The following ZSCAN32 variants were observed in gnomAD, a reference collection of about 807,000 sequenced individuals.
The protein encoded by ZSCAN32 is zinc finger and SCAN domain-containing protein 32.
ZSCAN32 carries 52 observed loss-of-function variants against 47.4 expected under a neutral mutation model. The ratio of observed to expected loss-of-function variants is 1.10; its 90% CI spans 0.88 to 1.38. The LOEUF is 1.38. Ranked by LOEUF, ZSCAN32 falls within the 40% of genes most tolerant of loss-of-function variation. ZSCAN32 has a pLI of 0.00. For synonymous variants in ZSCAN32, 346 were observed against 305.7 expected, an observed-to-expected ratio of 1.13 and a Z score of -1.38; for missense variants, 959 against 846.0, an observed-to-expected ratio of 1.13 and a Z score of -1.66.
intron 2 of ZSCAN32, 47 bp downstream of exon 2, chr16:3,397,145 G>C: frequency 6.8e-7 from 1 of 1,470,752 alleles, no homozygotes; most frequent in Non-Finnish European, 9.0e-7. Context: ...TGGATTCCCC[G>C]ACAACTTCAT....
rs992978998 is a variant in ZSCAN32 at position 3,393,714 on chromosome 16, T to C, written c.467A>G (p.Gln156Arg). The C allele has an allele frequency of 1.0e-5, 16 of 1,550,530 alleles. No individual in the cohort carries two copies. Among genetic ancestry groups the C allele is most frequent in the African/African-American group, 2.7e-5 (2 of 73,140 alleles). Residue 156 changes from glutamine (Q) to arginine (R), a missense_variant, in exon 3 of 7, where the codon CAG (glutamine) becomes CGG (arginine). Physicochemically the swap from Gln to Arg is conservative, Grantham distance 43. Transcript: ENST00000396852. ...SLRSQWKQEVQPEEPTFKGSQ... is the reference protein window; with the variant it reads ...SLRSQWKQEVRPEEPTFKGSQ... ...TCCCTTAAAAGTCGGTTCCTCTGGC[T>C]GAACCTCCTGTTTCCATTGGGATCT... is the stretch of plus-strand genomic sequence containing the variant.
chr16:3,397,654 G>A lies in ZSCAN32; in HGVS notation c.-97C>T. 7.1e-7 allele frequency: 1 copy of A among 1,412,026 alleles called. No homozygotes were observed. Among genetic ancestry groups the A allele is most frequent in the Non-Finnish European group, 9.3e-7 (1 of 1,072,854 alleles). The allele number at this position is 1,412,026 out of a possible 1,614,324, so 87.5% of individuals were successfully genotyped here. A position where few individuals can be genotyped will look rare whatever the true frequency, so the allele number is the denominator to read the frequency against. ...ACTGGGAAGCCATGTTCTCCTGCAAGGAATGTCTTTCTGTAATCCGTGGGA... is the reference window on the plus strand; with the variant it reads ...ACTGGGAAGCCATGTTCTCCTGCAAAGAATGTCTTTCTGTAATCCGTGGGA... On this transcript the variant is annotated 5_prime_UTR_variant, in exon 2 of 7. Transcript: ENST00000396852.
In ZSCAN32 at chr16:3,383,638, CTTGT is replaced by C; in HGVS notation, c.1304_1307del (p.Asn435ArgfsTer47). The C allele has an allele frequency of 6.2e-7, 1 of 1,612,352 alleles. No individual in the cohort carries two copies. Among genetic ancestry groups the C allele is most frequent in the African/African-American group, 1.3e-5 (1 of 74,882 alleles). On this transcript the variant is annotated frameshift_variant, in exon 7 of 7. Coordinates refer to ENST00000396852, the MANE Select transcript of ZSCAN32 (RefSeq NM_001284527.2). LOFTEE classifies it low-confidence loss of function (END_TRUNC). The stretch of plus-strand genomic sequence containing the variant: ...CTCCTCTGGACTTTCTCTGTAAAGC[CTTGT>C]TTATTTCTACTTCCTCTGAATCATC...
rs182564819 is a variant in ZSCAN32, at chr16:3,392,683, C to T, written c.532+966G>A. Among the ~76,000 whole-genome samples the T allele has an allele frequency of 2.0e-4, 30 of 151,962 alleles. 1 individual carries two copies. The East Asian group carries it at 3.3e-3, about 17-fold the overall frequency. On this transcript the variant is annotated intron_variant, in intron 3 of 6. Coordinates refer to ENST00000396852, the MANE Select transcript of ZSCAN32 (RefSeq NM_001284527.2). ...TCTACTAAAAATTCAAAAAATTAGC[C>T]GGGCATGGTGGCGGGTGCTTTAGTC...
At chr16:3,397,045 A>G in intron 2 of ZSCAN32, 147 bp downstream of exon 2, 2 of 849,176 alleles carry the variant, frequency 2.4e-6, no homozygotes, top group Non-Finnish European at 3.4e-6. Context: ...CCGTATTATA[A>G]GGGCATAGGA....
chr16:3,387,581 G>T (rs1367462031), intron 5 of ZSCAN32, among the ~76,000 whole-genome samples: 1 of 152,196 alleles, frequency 6.6e-6, no homozygotes, highest in African/African-American at 2.4e-5. Flanking sequence ...TCCAACATCT[G>T]GTCATGATGC....
Position 3,397,752 on chromosome 16 carries a change from G to A in ZSCAN32, c.-187-8C>T. On this transcript the variant is annotated splice_polypyrimidine_tract_variant and splice_region_variant and intron_variant, in intron 1 of 6. Coordinates refer to ENST00000396852, the MANE Select transcript of ZSCAN32 (RefSeq NM_001284527.2). Reference sequence around the variant, plus strand: ...CTCAACTTTGAAGGATGTCTGAAGAGGATGGAAAAAGACAATATAAACCTA... The same window carrying A: ...CTCAACTTTGAAGGATGTCTGAAGAAGATGGAAAAAGACAATATAAACCTA... The A allele has an allele frequency of 1.6e-6, 1 of 627,544 alleles. No homozygotes were observed. The highest frequency in any genetic ancestry group is 3.3e-5 in the Admixed American group (1 of 29,956). The allele number at this position is 627,544 out of a possible 1,614,324, so 38.9% of individuals were successfully genotyped here.
chr16:3,389,569 G>A (rs183690439), intron 5 of ZSCAN32, among the ~76,000 whole-genome samples: 58 of 152,260 alleles, frequency 3.8e-4, no homozygotes, highest in Admixed American at 2.7e-3. Context: ...GGTTCCTCCC[G>A]GAAGGCCTGG....
rs747127814 is a variant in ZSCAN32, at chr16:3,383,638, CTTG to C, written c.1305_1307del (p.Asn435del). On this transcript the variant is annotated inframe_deletion, in exon 7 of 7. Coordinates refer to ENST00000396852, the MANE Select transcript of ZSCAN32 (RefSeq NM_001284527.2). ...CTCCTCTGGACTTTCTCTGTAAAGCCTTGTTTATTTCTACTTCCTCTGAATCAT... is the reference window on the plus strand; with the variant it reads ...CTCCTCTGGACTTTCTCTGTAAAGCCTTTATTTCTACTTCCTCTGAATCAT... 240 of 1,612,352 alleles carry C rather than the reference CTTG, an allele frequency of 1.5e-4. No homozygotes were observed. In the African/African-American group the frequency reaches 2.8e-3, roughly 19 times the overall value.
At position 3,396,345 on chromosome 16, in the gene ZSCAN32, C is replaced by T; in HGVS notation, c.366+847G>A. ...CAATCCTACCAAATTTCATCTATAT[C>T]CCCCTTCACCCATTCCTCTTCCCAC... On this transcript the variant is annotated intron_variant, in intron 2 of 6. Transcript: ENST00000396852. 4.6e-5 allele frequency among the ~76,000 whole-genome samples: 7 copies of T among 152,276 alleles called. No individual in the cohort carries two copies. The Middle Eastern group carries it at 0.021, about 447-fold the overall frequency.
Position 3,383,412 on chromosome 16 carries a change from TG to T in ZSCAN32, c.1533del (p.His511GlnfsTer174). 1.2e-6 allele frequency: 2 copies of T among 1,614,204 alleles called. No homozygotes were observed. Among genetic ancestry groups the T allele is most frequent in the Non-Finnish European group, 8.5e-7 (1 of 1,180,034 alleles). Reference protein sequence around the residue: ...KNCSQSVHSPHKPALKLEKVS... With the variant: ...KNCSQSVHSPXKPALKLEKVS... The stretch of plus-strand genomic sequence containing the variant: ...ACTTTTTCCAGTTTGAGCGCTGGCT[TG>T]TGGGGAGAGTGCACACTCTGAGAGC... On this transcript the variant is annotated frameshift_variant, in exon 7 of 7. Transcript: ENST00000396852. LOFTEE classifies it low-confidence loss of function (END_TRUNC).
intron 5 of ZSCAN32, among the ~76,000 whole-genome samples, chr16:3,388,085 T>G (rs982274112): frequency 1.3e-5 from 2 of 152,234 alleles, no homozygotes; most frequent in Non-Finnish European, 2.9e-5. Context: ...TTATTTCTTT[T>G]GTAAAATACA....
At chr16:3,397,076 C>G (rs370376503) in intron 2 of ZSCAN32, 116 bp downstream of exon 2, 2 of 1,336,072 alleles carry the variant, frequency 1.5e-6, no homozygotes, top group East Asian at 2.5e-5. Flanking sequence ...ACAGCCAAGA[C>G]CTTCTGTGGG....
intron 6 of ZSCAN32, 85 bp downstream of exon 6, chr16:3,384,374 T>A (rs1349404285): frequency 1.0e-5 from 16 of 1,550,006 alleles, no homozygotes; most frequent in Non-Finnish European, 7.9e-6. Context: ...CCAGGATCAG[T>A]GACAGCTCCT....
At chr16:3,389,760 C>G (rs190197065) in intron 5 of ZSCAN32, among the ~76,000 whole-genome samples, 1 of 152,294 alleles carries the variant, frequency 6.6e-6, no homozygotes, top group East Asian at 1.9e-4. Flanking sequence ...CTCTGTCTCA[C>G]TAACATTTTG....
At chr16:3,393,570 T>A (rs2033069898) in intron 3 of ZSCAN32, 79 bp downstream of exon 3, 11 of 1,358,544 alleles carry the variant, frequency 8.1e-6, no homozygotes, top group Non-Finnish European at 1.1e-5. Context: ...AACCCTTGGG[T>A]GGACTCAGTT....
chr16:3,385,308 G>A (rs1186557505), intron 5 of ZSCAN32, among the ~76,000 whole-genome samples: 1 of 152,118 alleles, frequency 6.6e-6, no homozygotes, highest in Non-Finnish European at 1.5e-5. Context: ...CCTGATGACA[G>A]AGAGAGAATG....
chr16:3,400,210 C>A (rs1436586829), intron 1 of ZSCAN32, among the ~76,000 whole-genome samples: 3 of 152,156 alleles, frequency 2.0e-5, no homozygotes, highest in Non-Finnish European at 2.9e-5. Flanking sequence ...CATTTCAGTG[C>A]TTCTAGAGAT....
chr16:3,397,411 A>T lies in ZSCAN32; in HGVS notation c.147T>A (p.Thr49=). ...GTTTGCTAAAAGCTTCATGTGGGCC[A>T]GTTACCTCCTGGTAGCAAAACTGCC... ...RFRQFCYQEV[T]GPHEAFSKLW... Residue 49 remains threonine, a synonymous_variant, in exon 2 of 7, where the codon ACT becomes ACA. Coordinates refer to ENST00000396852, the MANE Select transcript of ZSCAN32 (RefSeq NM_001284527.2). The T allele has an allele frequency of 1.3e-6, 2 of 1,552,596 alleles. No individual in the cohort carries two copies. Among genetic ancestry groups the T allele is most frequent in the South Asian group, 2.4e-5 (2 of 84,186 alleles).
Sources: allele counts gnomAD v4.1 joint callset (sites outside exome capture counted in the v4.1 genomes callset), GRCh38; gene constraint gnomAD v4.1.1; transcripts MANE v1.5; gene names NCBI Gene and HGNC (gene_info 2026-07-23, HGNC 2026-07-21).